Variants in LRRC49 observed in about 807,000 individuals in gnomAD.
LRRC49 encodes leucine rich repeat containing 49.
Under a neutral mutation model 83.3 loss-of-function variants are expected in LRRC49, and 50 were observed. The observed-to-expected ratio is 0.60, with a 90% CI of 0.48 to 0.76. The LOEUF (loss-of-function observed/expected upper bound fraction) is 0.76, where lower values mean the gene tolerates loss of function less well. Among genes scored for constraint, LRRC49 ranks in the 30% least tolerant of loss-of-function variants. The probability of loss-of-function intolerance (pLI) is 0.00; values close to 1 mark genes in which losing one functional copy is unlikely to be tolerated. For synonymous variants in LRRC49, 286 were observed against 283.3 expected, an observed-to-expected ratio of 1.01 and a Z score of -0.10; for missense variants, 704 against 809.1, an observed-to-expected ratio of 0.87 and a Z score of 1.58.
intron 15 of LRRC49, among the ~76,000 whole-genome samples, chr15:71,041,721 C>A: frequency 6.6e-6 from 1 of 151,984 alleles, no homozygotes; most frequent in East Asian, 1.9e-4. Flanking sequence ...AATGAAAATA[C>A]CAAAAACTTT....
At chr15:70,932,726 C>CT (rs5813614) in intron 7 of LRRC49, among the ~76,000 whole-genome samples, 3,370 of 97,186 alleles carry the variant, frequency 0.035, 210 homozygotes, top group African/African-American at 0.086. Context: ...CTTTCTCTGT[C>CT]TTTTTTTTTT....
At chr15:70,913,346 G>T (rs1427878029) in intron 6 of LRRC49, among the ~76,000 whole-genome samples, 1 of 152,178 alleles carries the variant, frequency 6.6e-6, no homozygotes, top group Non-Finnish European at 1.5e-5. Flanking sequence ...CATCTATTAG[G>T]TTCGAATCTA....
intron 8 of LRRC49, among the ~76,000 whole-genome samples, chr15:70,949,168 G>T (rs2036121535): frequency 6.6e-6 from 1 of 152,204 alleles, no homozygotes; most frequent in Non-Finnish European, 1.5e-5. Flanking sequence ...TATTTGGCCT[G>T]TGGGCTGTAG....
chr15:71,001,891 C>A (rs893121961), intron 11 of LRRC49, among the ~76,000 whole-genome samples: 1 of 152,098 alleles, frequency 6.6e-6, no homozygotes, highest in Non-Finnish European at 1.5e-5. Flanking sequence ...CAGGGTTTCA[C>A]CTTGTTAGCC....
chr15:70,937,808 C>T (rs573843625), intron 8 of LRRC49, among the ~76,000 whole-genome samples: 1 of 152,042 alleles, frequency 6.6e-6, no homozygotes, highest in South Asian at 2.1e-4. Flanking sequence ...TCTTTTTTCT[C>T]TTCTGTGGGA....
At chr15:70,916,187 T>A (rs2034766079) in intron 6 of LRRC49, among the ~76,000 whole-genome samples, 1 of 152,192 alleles carries the variant, frequency 6.6e-6, no homozygotes, top group African/African-American at 2.4e-5. Flanking sequence ...ATAGTGGGGC[T>A]TAACATCACT....
intron 8 of LRRC49, 61 bp from the exon 9 acceptor site, chr15:70,963,724 A>G (rs79885611): frequency 6.5e-7 from 1 of 1,527,268 alleles, no homozygotes; most frequent in Non-Finnish European, 8.9e-7. Flanking sequence ...AAAGTCTATT[A>G]AAAATGAAAG....
chr15:70,855,974 A>G (rs1027794019), intron 1 of LRRC49, among the ~76,000 whole-genome samples: 2 of 152,144 alleles, frequency 1.3e-5, no homozygotes, highest in Non-Finnish European at 2.9e-5. Flanking sequence ...CCTGAATTTC[A>G]CAAAGTGATA....
intron 1 of LRRC49, chr15:70,854,266 AC>A: frequency 4.3e-6 from 1 of 232,530 alleles, no homozygotes; most frequent in East Asian, 1.6e-4. Flanking sequence ...CGCCGCCGCC[AC>A]CACCCCGACC....
chr15:71,027,123 G>A (rs998292840), intron 14 of LRRC49, among the ~76,000 whole-genome samples: 4 of 152,156 alleles, frequency 2.6e-5, no homozygotes, highest in Non-Finnish European at 5.9e-5. Context: ...TTTTGTAAAA[G>A]GTGTAAGGAA....
chr15:70,939,279 G>A (rs2035716393), intron 8 of LRRC49, among the ~76,000 whole-genome samples: 1 of 152,138 alleles, frequency 6.6e-6, no homozygotes, highest in African/African-American at 2.4e-5. Context: ...CATCTAGCAT[G>A]TATGTGTTCT....
Position 70,924,919 on chromosome 15 carries a change from A to G in LRRC49, c.711+5726A>G, listed in dbSNP as rs983204865. ...TGTTATTGTCATTAAAATGTCTACT[A>G]TCATTTGTGTGTGTCTAGGGTATCT... On this transcript the variant is annotated intron_variant, in intron 7 of 15. Transcript: ENST00000260382. Among the ~76,000 whole-genome samples, 4 of 152,038 alleles carry G rather than the reference A, an allele frequency of 2.6e-5. No individual in the cohort carries two copies. In the East Asian group the frequency reaches 5.8e-4, roughly 22 times the overall value.
intron 11 of LRRC49, among the ~76,000 whole-genome samples, chr15:71,002,456 A>G (rs914661261): frequency 2.0e-5 from 3 of 152,126 alleles, no homozygotes; most frequent in Non-Finnish European, 4.4e-5. Flanking sequence ...CTACAGTAAA[A>G]TGACATATTG....
At chr15:70,977,726 T>C in intron 9 of LRRC49, among the ~76,000 whole-genome samples, 1 of 152,172 alleles carries the variant, frequency 6.6e-6, no homozygotes, top group Non-Finnish European at 1.5e-5. Flanking sequence ...TACATTTCCA[T>C]TTCCATTTCC....
At chr15:70,945,777 T>C (rs2035987587) in intron 8 of LRRC49, among the ~76,000 whole-genome samples, 1 of 152,064 alleles carries the variant, frequency 6.6e-6, no homozygotes, top group African/African-American at 2.4e-5. Flanking sequence ...AGTAAGGAAG[T>C]TGGGATTCTC....
intron 11 of LRRC49, 67 bp downstream of exon 11, chr15:70,984,324 A>T: frequency 7.6e-7 from 1 of 1,314,916 alleles, no homozygotes; most frequent in African/African-American, 1.5e-5. Flanking sequence ...GGAATTAGAA[A>T]CCATTTTACA....
chr15:71,043,280 C>G (rs963539999), intron 15 of LRRC49, among the ~76,000 whole-genome samples: 6 of 152,160 alleles, frequency 3.9e-5, no homozygotes, highest in Admixed American at 2.6e-4. Flanking sequence ...TGCTCTATAA[C>G]AAACCCCACT....
intron 8 of LRRC49, among the ~76,000 whole-genome samples, chr15:70,939,599 GT>G (rs1474631330): frequency 6.6e-6 from 1 of 152,132 alleles, no homozygotes; most frequent in African/African-American, 2.4e-5. Flanking sequence ...GGTTAGGGTG[GT>G]GGGTGTGGTG....
At chr15:71,011,875 A>T (rs935934569) in intron 13 of LRRC49, among the ~76,000 whole-genome samples, 3 of 152,300 alleles carry the variant, frequency 2.0e-5, no homozygotes, top group East Asian at 3.9e-4. Flanking sequence ...AGATAGTGTC[A>T]GGAACAAATT....
Sources: gnomAD v4.1 joint callset for allele counts (sites outside exome capture counted in the v4.1 genomes callset) on GRCh38, gnomAD v4.1.1 for gene constraint, MANE v1.5 for transcripts, NCBI Gene and HGNC (gene_info 2026-07-23, HGNC 2026-07-21) for gene names.